The following FMNL2 variants were observed in gnomAD, a reference collection of about 807,000 sequenced individuals.
FMNL2 encodes the protein formin like 2.
In FMNL2, 51 loss-of-function variants were observed where a neutral mutation model predicts 130.2. That is an observed-to-expected ratio of 0.39 (90% CI 0.31 to 0.49). The LOEUF is 0.49. Ranked by LOEUF, FMNL2 falls within the 20% of genes least tolerant of loss-of-function variation. The pLI is 0.85. For synonymous variants in FMNL2, 465 were observed against 467.1 expected (o/e 1.00, Z 0.06); for missense variants, 977 against 1,316.2 (o/e 0.74, Z 3.99).
chr2:152,389,962 C>A, intron 1 of FMNL2: 1 of 1,326,122 alleles, frequency 7.5e-7, no homozygotes. Flanking sequence ...GACCTCGGGG[C>A]CCCAGATAAA....
intron 1 of FMNL2, among the ~76,000 whole-genome samples, chr2:152,467,143 G>A (rs1558886956): frequency 6.6e-6 from 1 of 152,184 alleles, no homozygotes; most frequent in Non-Finnish European, 1.5e-5. Context: ...TTCCTGGGCA[G>A]AATCTCACTT....
In FMNL2 at chr2:152,575,232, C is replaced by T; in HGVS notation, c.693C>T (p.Ile231=). 6.3e-7 allele frequency: 1 copy of T among 1,589,312 alleles called. No individual in the cohort carries two copies. Among genetic ancestry groups the T allele is most frequent in the Non-Finnish European group, 8.6e-7 (1 of 1,164,740 alleles). Residue 231 remains isoleucine (I), a synonymous_variant, in exon 7 of 26, where the codon ATC becomes ATT. Transcript: ENST00000288670. The stretch of plus-strand genomic sequence containing the variant: ...TCTGTATCATGTGTTTACGTGCCAT[C>T]ATGAATTATCAGGTATGTTGGAGCT... The part of the protein sequence containing the change: ...VHVCIMCLRA[I]MNYQYGFNMV...
intron 4 of FMNL2, among the ~76,000 whole-genome samples, chr2:152,551,553 CTCTT>C (rs1452893660): frequency 6.6e-6 from 1 of 152,234 alleles, no homozygotes; most frequent in Admixed American, 6.5e-5. Flanking sequence ...CCTGAACTCA[CTCTT>C]TGTTATGTAA....
intron 1 of FMNL2, among the ~76,000 whole-genome samples, chr2:152,455,817 T>C (rs927045711): frequency 6.6e-6 from 1 of 152,172 alleles, no homozygotes; most frequent in African/African-American, 2.4e-5. Context: ...TGGGCCCGAG[T>C]GATCCTCCCA....
At chr2:152,636,081 A>C (rs1229330758) in intron 21 of FMNL2, among the ~76,000 whole-genome samples, 2 of 152,126 alleles carry the variant, frequency 1.3e-5, no homozygotes, top group Non-Finnish European at 2.9e-5. Context: ...AGAGAAATGG[A>C]ATAGTTTTGT....
chr2:152,479,495 C>T (rs1387085007), intron 1 of FMNL2, among the ~76,000 whole-genome samples: 1 of 152,164 alleles, frequency 6.6e-6, no homozygotes, highest in Non-Finnish European at 1.5e-5. Context: ...ATTACTTCAT[C>T]ACCAGAACCA....
chr2:152,599,508 C>T (rs1367571913), intron 9 of FMNL2, among the ~76,000 whole-genome samples: 6 of 127,868 alleles, frequency 4.7e-5, no homozygotes, highest in African/African-American at 1.7e-4. Context: ...GGGGATTTTA[C>T]GATCCTTTTG....
chr2:152,497,612 A>G (rs931870795), intron 1 of FMNL2, among the ~76,000 whole-genome samples: 2 of 151,946 alleles, frequency 1.3e-5, no homozygotes, highest in African/African-American at 4.8e-5. Flanking sequence ...TCCTTCCTGT[A>G]TATATATTTT....
intron 2 of FMNL2, among the ~76,000 whole-genome samples, chr2:152,538,811 G>T (rs1215816183): frequency 6.6e-6 from 1 of 152,108 alleles, no homozygotes; most frequent in Non-Finnish European, 1.5e-5. Context: ...CACCTGATTT[G>T]CCAAACCTTT....
intron 1 of FMNL2, among the ~76,000 whole-genome samples, chr2:152,363,066 G>C (rs1266471045): frequency 6.6e-6 from 1 of 152,194 alleles, no homozygotes; most frequent in African/African-American, 2.4e-5. Flanking sequence ...TAGCTGAAGG[G>C]TTCAAGGTTT....
chr2:152,339,453 T>C (rs7583872), intron 1 of FMNL2, among the ~76,000 whole-genome samples: 73,703 of 152,140 alleles, frequency 0.48, 19,865 homozygotes, highest in Non-Finnish European at 0.62. Context: ...CATAATATTA[T>C]TCACTCATTT....
intron 9 of FMNL2, among the ~76,000 whole-genome samples, chr2:152,588,654 T>C (rs1239681232): frequency 6.6e-6 from 1 of 151,916 alleles, no homozygotes; most frequent in African/African-American, 2.4e-5. Flanking sequence ...ACCAAGAAGG[T>C]AGTATTTTAA....
At chr2:152,611,767 A>G (rs1698697557) in intron 11 of FMNL2, among the ~76,000 whole-genome samples, 162 bp downstream of exon 11, 1 of 152,242 alleles carries the variant, frequency 6.6e-6, no homozygotes, top group Non-Finnish European at 1.5e-5. Flanking sequence ...GTACTCTGCC[A>G]GAGATGCTGG....
At chr2:152,339,762 G>A (rs1285930265) in intron 1 of FMNL2, among the ~76,000 whole-genome samples, 2 of 152,058 alleles carry the variant, frequency 1.3e-5, no homozygotes, top group Admixed American at 6.5e-5. Context: ...GATTGAATGT[G>A]GTCATTTTGT....
chr2:152,643,495 G>A (rs1243548071), intron 25 of FMNL2: 1 of 1,536,046 alleles, frequency 6.5e-7, no homozygotes, highest in African/African-American at 1.4e-5. Context: ...TTCTCACTGA[G>A]GAATACCATT....
intron 2 of FMNL2, among the ~76,000 whole-genome samples, chr2:152,535,748 A>C (rs1385008068): frequency 6.6e-6 from 1 of 152,244 alleles, no homozygotes; most frequent in Non-Finnish European, 1.5e-5. Flanking sequence ...AGCTGGCACT[A>C]GCTTCCTCTG....
chr2:152,546,050 T>C (rs1377556950), intron 3 of FMNL2, among the ~76,000 whole-genome samples: 2 of 152,162 alleles, frequency 1.3e-5, no homozygotes, highest in African/African-American at 4.8e-5. Context: ...TTTCGATACA[T>C]AGCTCTTAGT....
chr2:152,476,798 G>T (rs575468182), intron 1 of FMNL2, among the ~76,000 whole-genome samples: 1 of 152,002 alleles, frequency 6.6e-6, no homozygotes, highest in Admixed American at 6.6e-5. Flanking sequence ...TGTTTCTAGG[G>T]TTTAAAAAAT....
chr2:152,508,466 A>G (rs1579840434), intron 1 of FMNL2, among the ~76,000 whole-genome samples: 1 of 152,360 alleles, frequency 6.6e-6, no homozygotes, highest in East Asian at 1.9e-4. Flanking sequence ...AAGCAACATT[A>G]GGTACTGGAT....
Sources: allele counts gnomAD v4.1 joint callset (sites outside exome capture counted in the v4.1 genomes callset), GRCh38; gene constraint gnomAD v4.1.1; transcripts MANE v1.5; gene names NCBI Gene and HGNC (gene_info 2026-07-23, HGNC 2026-07-21).